NWD1: variants seen among roughly 807,000 people sequenced by gnomAD.
The protein encoded by NWD1 is NACHT and WD repeat domain containing 1.
In NWD1, 129 loss-of-function variants were observed where a neutral mutation model predicts 135.1. The ratio of observed to expected loss-of-function variants is 0.96; its 90% CI spans 0.83 to 1.11. The LOEUF is 1.11. Among genes scored for constraint, NWD1 ranks in the 50% least tolerant of loss-of-function variants. NWD1 has a pLI of 0.00. For synonymous variants in NWD1, 773 were observed against 786.0 expected (o/e 0.98, Z 0.28); for missense variants, 1,740 against 1,851.3 (o/e 0.94, Z 1.10).
chr19:16,770,477 T>C (rs1969376750), intron 10 of NWD1, among the ~76,000 whole-genome samples: 2 of 152,158 alleles, frequency 1.3e-5, no homozygotes, highest in South Asian at 4.1e-4. Context: ...TTACCCAGTT[T>C]CAGGTATGTC....
chr19:16,735,524 G>A (rs1302601913), intron 3 of NWD1, among the ~76,000 whole-genome samples: 1 of 147,576 alleles, frequency 6.8e-6, no homozygotes, highest in African/African-American at 2.6e-5. Flanking sequence ...AAAAAAAAAA[G>A]AAAGAAAGAA....
intron 12 of NWD1, among the ~76,000 whole-genome samples, chr19:16,786,853 G>C (rs1231455701): frequency 6.6e-6 from 1 of 152,050 alleles, no homozygotes; most frequent in Non-Finnish European, 1.5e-5. Context: ...TGCCCAGCCT[G>C]GGATTACTTT....
At chr19:16,768,798 C>T (rs1007152015) in intron 10 of NWD1, among the ~76,000 whole-genome samples, 48 of 152,172 alleles carry the variant, frequency 3.2e-4, no homozygotes, top group African/African-American at 1.0e-3. Context: ...ATCCAAAGTG[C>T]TTCCCCATGG....
At chr19:16,759,982 G>T (rs1044566508) in intron 7 of NWD1, among the ~76,000 whole-genome samples, 4 of 151,858 alleles carry the variant, frequency 2.6e-5, no homozygotes, top group Admixed American at 6.6e-5. Context: ...AACAGAGCGA[G>T]ACTCCATTTC....
At chr19:16,813,703 C>T (rs1432645172) in intron 18 of NWD1, among the ~76,000 whole-genome samples, 5 of 152,062 alleles carry the variant, frequency 3.3e-5, no homozygotes, top group African/African-American at 4.8e-5. Flanking sequence ...TCTTGAACTC[C>T]TGACCTTGGG....
chr19:16,749,123 T>G lies in NWD1; in HGVS notation c.497-16T>G. ...ATAATGACCACACTTCCTTCCCACC[T>G]TCCCCACTTTGGCAGTCATTGAGTG... On this transcript the variant is annotated splice_polypyrimidine_tract_variant and intron_variant, in intron 5 of 18. Transcript: ENST00000524140. The G allele has an allele frequency of 1.9e-6, 3 of 1,572,312 alleles. No individual in the cohort carries two copies. The highest frequency in any genetic ancestry group is 2.6e-6 in the Non-Finnish European group (3 of 1,156,748).
chr19:16,749,895 A>G lies in NWD1; in HGVS notation c.1253A>G (p.His418Arg). 2 of 1,613,458 alleles carry G rather than the reference A, an allele frequency of 1.2e-6. No individual in the cohort carries two copies. Among genetic ancestry groups the G allele is most frequent in the Middle Eastern group, 3.3e-4 (2 of 6,062 alleles). ...CACACCAGGGTGGTCCAGTTTTTCC[A>G]TACCCTCCTCCACACTGTCTCTTGC... ...DAHTRVVQFF[H>R]TLLHTVSCRN... The change falls in exon 6 of 19, where the codon CAT becomes CGT. Residue 418 changes from histidine to arginine, a missense_variant. By Grantham distance (29) the His-to-Arg change is conservative. Coordinates refer to ENST00000524140, the MANE Select transcript of NWD1 (RefSeq NM_001007525.5).
chr19:16,787,946 A>C (rs1348533535), intron 12 of NWD1, among the ~76,000 whole-genome samples: 1 of 132,214 alleles, frequency 7.6e-6, no homozygotes, highest in African/African-American at 2.9e-5. Context: ...TCATCATCAT[A>C]GGCCAGGCGC....
chr19:16,767,145 G>A (rs989982884), intron 10 of NWD1, among the ~76,000 whole-genome samples: 1 of 146,432 alleles, frequency 6.8e-6, no homozygotes, highest in African/African-American at 2.5e-5. Context: ...TTACAATCAT[G>A]GCAGAAGGGA....
rs1027454909 is a variant in NWD1 at position 16,736,728 on chromosome 19, C to T, written c.176C>T (p.Thr59Ile). The T allele has an allele frequency of 7.2e-6, 11 of 1,534,896 alleles. No individual in the cohort carries two copies. The highest frequency in any genetic ancestry group is 1.7e-4 in the Middle Eastern group (1 of 5,992). The change falls in exon 4 of 19, where the codon ACA becomes ATA. Residue 59 changes from threonine to isoleucine, a missense_variant. Coordinates refer to ENST00000524140, the MANE Select transcript of NWD1 (RefSeq NM_001007525.5). Reference sequence around the variant, plus strand: ...GAGGAGGTTGACCGGTGTTGGAAAACATCCATAGGGCCAGCTTTTGTTGTG... The same window carrying T: ...GAGGAGGTTGACCGGTGTTGGAAAATATCCATAGGGCCAGCTTTTGTTGTG... ...CLEEVDRCWK[T>I]SIGPAFVALI...
chr19:16,744,948 CT>C (rs1353267968), intron 5 of NWD1: 1 of 647,904 alleles, frequency 1.5e-6, no homozygotes, highest in Non-Finnish European at 2.8e-6. Flanking sequence ...CTGGCTCTTT[CT>C]TCTTGTCTCC....
rs1967830545 is a variant in NWD1 at position 16,736,638 on chromosome 19, T to G, written c.86T>G (p.Val29Gly). 6.5e-7 allele frequency: 1 copy of G among 1,528,888 alleles called. No individual in the cohort carries two copies. The highest frequency in any genetic ancestry group is 1.4e-5 in the African/African-American group (1 of 72,900). The allele number at this position is 1,528,888 out of a possible 1,614,324, so 94.7% of individuals were successfully genotyped here. The change falls in exon 4 of 19, where the codon GTT becomes GGT. Residue 29 changes from valine (V) to glycine (G), a missense_variant. Physicochemically the swap from Val to Gly is moderately radical, Grantham distance 109. Coordinates refer to ENST00000524140, the MANE Select transcript of NWD1 (RefSeq NM_001007525.5). ...CQRHGLMFEVVDLRWGIRNIE... is the reference protein window; with the variant it reads ...CQRHGLMFEVGDLRWGIRNIE... Reference sequence around the variant, plus strand: ...ACTTGTGTTTCTATTTCCCAGGTCGTTGATCTGAGGTGGGGTATTCGGAAC... The same window carrying G: ...ACTTGTGTTTCTATTTCCCAGGTCGGTGATCTGAGGTGGGGTATTCGGAAC...
intron 18 of NWD1, among the ~76,000 whole-genome samples, chr19:16,810,157 G>A (rs573516543): frequency 1.1e-4 from 17 of 152,116 alleles, no homozygotes; most frequent in Non-Finnish European, 2.1e-4. Context: ...GCCATGTAAG[G>A]CTGGGCACCA....
At chr19:16,736,348 G>A (rs1967818653) in intron 3 of NWD1, among the ~76,000 whole-genome samples, 1 of 151,928 alleles carries the variant, frequency 6.6e-6, no homozygotes, top group Non-Finnish European at 1.5e-5. Context: ...TCCTACCTCA[G>A]CCTCCCGAGT....
chr19:16,749,040 T>C (rs1968437821), intron 5 of NWD1, 99 bp from the exon 6 acceptor site: 3 of 895,258 alleles, frequency 3.4e-6, no homozygotes, highest in South Asian at 3.4e-5. Flanking sequence ...TGAGAACCAA[T>C]GCACATCCCC....
chr19:16,746,046 A>T (rs1411119689), intron 5 of NWD1, among the ~76,000 whole-genome samples: 1 of 152,102 alleles, frequency 6.6e-6, no homozygotes, highest in Admixed American at 6.6e-5. Flanking sequence ...CGTAACTACT[A>T]ATAGCCCACC....
Position 16,749,500 on chromosome 19 carries a change from G to A in NWD1, c.858G>A (p.Thr286=), listed in dbSNP as rs780371424. 91 of 1,610,842 alleles carry A rather than the reference G, an allele frequency of 5.6e-5. No individual in the cohort carries two copies. Among genetic ancestry groups the A allele is most frequent in the Non-Finnish European group, 7.1e-5 (84 of 1,177,440 alleles). The change falls in exon 6 of 19, where the codon ACG becomes ACA. Residue 286 remains threonine, a synonymous_variant. Transcript: ENST00000524140. ...TCACACGCCTCCGTGAGCTGGATACGGCCGGACAGGAGTTGGCGTGGCTCT... is the reference window on the plus strand; with the variant it reads ...TCACACGCCTCCGTGAGCTGGATACAGCCGGACAGGAGTTGGCGTGGCTCT... ...QVLTRLRELD[T]AGQELAWLYQ...
chr19:16,808,596 A>G (rs569900338), intron 18 of NWD1, among the ~76,000 whole-genome samples: 1 of 152,044 alleles, frequency 6.6e-6, no homozygotes, highest in East Asian at 1.9e-4. Context: ...TCTCAGAAGC[A>G]AAGTTTTTTT....
chr19:16,766,526 C>T (rs1274488720), intron 10 of NWD1, among the ~76,000 whole-genome samples: 3 of 151,632 alleles, frequency 2.0e-5, no homozygotes, highest in African/African-American at 4.9e-5. Flanking sequence ...AGTCTTTAGA[C>T]GCTCTGGCCA....
Sources: allele counts gnomAD v4.1 joint callset (sites outside exome capture counted in the v4.1 genomes callset), GRCh38; gene constraint gnomAD v4.1.1; transcripts MANE v1.5; gene names NCBI Gene and HGNC (gene_info 2026-07-23, HGNC 2026-07-21).